The following LRP1B variants were observed in gnomAD, a reference collection of about 807,000 sequenced individuals.
LRP1B encodes the protein LDL receptor related protein 1B.
LRP1B carries 217 observed loss-of-function variants against 556.6 expected under a neutral mutation model. The observed-to-expected ratio is 0.39, with a 90% confidence interval of 0.35 to 0.44. The LOEUF is 0.44. Ranked by LOEUF, LRP1B falls within the 20% of genes least tolerant of loss-of-function variation. The pLI, the probability that LRP1B is intolerant of heterozygous loss-of-function variation, is 1.00. For synonymous variants in LRP1B, 2,047 were observed against 1,865.8 expected (o/e 1.10, Z -2.50); for missense variants, 5,053 against 5,620.8 (o/e 0.90, Z 3.23).
intron 47 of LRP1B, among the ~76,000 whole-genome samples, chr2:140,532,368 CT>C (rs920713481): frequency 9.9e-5 from 15 of 151,712 alleles, no homozygotes; most frequent in African/African-American, 3.1e-4. Context: ...CCCATACCTT[CT>C]CTGTTTTTTG....
chr2:142,104,214 C>G lies in LRP1B; in HGVS notation c.82+26434G>C, dbSNP rs372454520. 4.6e-5 allele frequency among the ~76,000 whole-genome samples: 7 copies of G among 152,218 alleles called. 1 individual carries two copies. The highest frequency in any genetic ancestry group is 2.0e-4 in the Admixed American group (3 of 15,242). On this transcript the variant is annotated intron_variant, in intron 1 of 90. Coordinates refer to ENST00000389484, the MANE Select transcript of LRP1B (RefSeq NM_018557.3). The stretch of plus-strand genomic sequence containing the variant: ...GTGCTATTCTTCACTTCAAGGGGAA[C>G]TGGAAGGAAGGATTTGTTTTATTAC...
At chr2:141,540,257 T>G (rs1376626769) in intron 2 of LRP1B, among the ~76,000 whole-genome samples, 1 of 151,838 alleles carries the variant, frequency 6.6e-6, no homozygotes, top group Admixed American at 6.6e-5. Flanking sequence ...ATGTGAAAAT[T>G]TAACACATTA....
intron 20 of LRP1B, among the ~76,000 whole-genome samples, chr2:140,927,898 T>A (rs1694935371): frequency 6.6e-6 from 1 of 150,656 alleles, no homozygotes; most frequent in African/African-American, 2.5e-5. Flanking sequence ...TTTTATTTTT[T>A]ATTTTATTTA....
chr2:141,394,166 T>A (rs1318055926), intron 3 of LRP1B, among the ~76,000 whole-genome samples: 1 of 152,146 alleles, frequency 6.6e-6, no homozygotes, highest in Non-Finnish European at 1.5e-5. Flanking sequence ...ATGTTCTCTA[T>A]TTGTTAACTG....
intron 1 of LRP1B, among the ~76,000 whole-genome samples, chr2:142,073,361 T>C (rs1002667533): frequency 6.6e-6 from 1 of 152,084 alleles, no homozygotes; most frequent in South Asian, 2.1e-4. Flanking sequence ...ATAATTTTTC[T>C]AAAGACCTAA....
At chr2:141,223,125 T>C (rs191455987) in intron 6 of LRP1B, among the ~76,000 whole-genome samples, 13 of 152,264 alleles carry the variant, frequency 8.5e-5, no homozygotes, top group African/African-American at 3.1e-4. Flanking sequence ...CACGATCCTA[T>C]ATCTAGAAAA....
chr2:140,526,698 C>CAA (rs35329112), intron 47 of LRP1B, among the ~76,000 whole-genome samples: 84,051 of 136,134 alleles, frequency 0.62, 26,905 homozygotes, highest in Middle Eastern at 0.71. Context: ...AGCACTGAGC[C>CAA]AAAAAAAAAA....
intron 5 of LRP1B, among the ~76,000 whole-genome samples, chr2:141,240,203 T>C (rs781101717): frequency 3.3e-5 from 5 of 152,232 alleles, no homozygotes; most frequent in South Asian, 2.1e-4. Flanking sequence ...ATATGTGGAA[T>C]ATTAGTTATC....
chr2:140,414,689 T>A (rs1002744733), intron 66 of LRP1B, among the ~76,000 whole-genome samples: 1 of 152,260 alleles, frequency 6.6e-6, no homozygotes, highest in Non-Finnish European at 1.5e-5. Context: ...AATCCTGTTA[T>A]CTTTGTAAGG....
At chr2:140,292,829 C>T (rs999085942) in intron 84 of LRP1B, among the ~76,000 whole-genome samples, 1 of 152,072 alleles carries the variant, frequency 6.6e-6, no homozygotes, top group African/African-American at 2.4e-5. Context: ...GATAAAGCTA[C>T]CCTAGAAGAC....
intron 38 of LRP1B, 27 bp from the exon 39 acceptor site, chr2:140,702,319 A>G (rs373131631): frequency 1.2e-6 from 2 of 1,611,366 alleles, no homozygotes; most frequent in African/African-American, 2.7e-5. Flanking sequence ...AAGTAACGTT[A>G]CAGACTATAT....
intron 86 of LRP1B, among the ~76,000 whole-genome samples, chr2:140,253,918 G>T (rs1300291395): frequency 6.6e-6 from 1 of 152,128 alleles, no homozygotes; most frequent in South Asian, 2.1e-4. Context: ...CTAGTGGAAA[G>T]CTCCCAAGAT....
intron 14 of LRP1B, among the ~76,000 whole-genome samples, chr2:141,007,613 C>A (rs1179432189): frequency 6.6e-6 from 1 of 151,428 alleles, no homozygotes; most frequent in Non-Finnish European, 1.5e-5. Context: ...CTATGTTGTA[C>A]ACATTCTGTA....
intron 43 of LRP1B, among the ~76,000 whole-genome samples, chr2:140,556,318 C>T (rs983568244): frequency 1.3e-5 from 2 of 151,362 alleles, no homozygotes; most frequent in African/African-American, 4.9e-5. Context: ...GGAGGAAAGG[C>T]CCCCCCACAA....
At chr2:141,175,421 G>A (rs1680692642) in intron 7 of LRP1B, among the ~76,000 whole-genome samples, 1 of 152,122 alleles carries the variant, frequency 6.6e-6, no homozygotes, top group Non-Finnish European at 1.5e-5. Flanking sequence ...CTGCATAGCA[G>A]CTGCTCCAGC....
At chr2:140,969,061 T>A (rs6740199) in intron 18 of LRP1B, among the ~76,000 whole-genome samples, 1 of 152,008 alleles carries the variant, frequency 6.6e-6, no homozygotes, top group East Asian at 1.9e-4. Flanking sequence ...TGGTGCAGAG[T>A]TGAGTTCAAT....
chr2:140,389,572 A>T (rs1312064095), intron 66 of LRP1B, among the ~76,000 whole-genome samples: 1 of 150,892 alleles, frequency 6.6e-6, no homozygotes, highest in East Asian at 1.9e-4. Context: ...AGCAAAATTT[A>T]TATATGATTT....
intron 14 of LRP1B, among the ~76,000 whole-genome samples, chr2:141,010,689 A>G (rs1697716848): frequency 6.6e-6 from 1 of 151,764 alleles, no homozygotes; most frequent in Non-Finnish European, 1.5e-5. Context: ...TAATTTTTGT[A>G]TTTTTAGTAG....
chr2:141,938,691 G>A (rs1700706533), intron 1 of LRP1B, among the ~76,000 whole-genome samples: 1 of 152,008 alleles, frequency 6.6e-6, no homozygotes, highest in Non-Finnish European at 1.5e-5. Flanking sequence ...AACAACCTAA[G>A]TGTCTGTCAA....
Sources: allele counts gnomAD v4.1 joint callset (sites outside exome capture counted in the v4.1 genomes callset), GRCh38; gene constraint gnomAD v4.1.1; transcripts MANE v1.5; gene names NCBI Gene and HGNC (gene_info 2026-07-23, HGNC 2026-07-21).